ARHGAP25: variants seen among roughly 807,000 people sequenced by gnomAD.
ARHGAP25 encodes rho GTPase-activating protein 25.
Under a neutral mutation model 71.0 loss-of-function variants are expected in ARHGAP25, and 34 were observed. The ratio of observed to expected loss-of-function variants is 0.48; its 90% CI spans 0.36 to 0.64. The LOEUF (loss-of-function observed/expected upper bound fraction) is 0.64. Ranked by LOEUF, ARHGAP25 falls within the 30% of genes least tolerant of loss-of-function variation. The pLI, the probability that ARHGAP25 is intolerant of heterozygous loss-of-function variation, is 0.00. For synonymous variants in ARHGAP25, 282 were observed against 296.5 expected (o/e 0.95, Z 0.50); for missense variants, 706 against 805.1 (o/e 0.88, Z 1.49).
intron 1 of ARHGAP25, among the ~76,000 whole-genome samples, chr2:68,738,498 A>AG (rs1396188355): frequency 6.6e-6 from 1 of 152,150 alleles, no homozygotes; most frequent in Non-Finnish European, 1.5e-5. Flanking sequence ...ATTCATTACC[A>AG]AACTTACTAT....
intron 1 of ARHGAP25, among the ~76,000 whole-genome samples, chr2:68,760,974 A>G (rs949911492): frequency 3.3e-5 from 5 of 152,012 alleles, no homozygotes; most frequent in Admixed American, 1.3e-4. Flanking sequence ...TTTAGAGTAA[A>G]CCAAAACAGT....
chr2:68,774,979 C>T (rs1194417683), intron 1 of ARHGAP25: 3 of 1,433,812 alleles, frequency 2.1e-6, no homozygotes, highest in Non-Finnish European at 2.7e-6. Context: ...TGCCTGTGCA[C>T]GGGGCCACCG....
intron 2 of ARHGAP25, among the ~76,000 whole-genome samples, chr2:68,779,151 G>A (rs975485592): frequency 1.3e-5 from 2 of 152,152 alleles, no homozygotes; most frequent in African/African-American, 4.8e-5. Flanking sequence ...GTCTACCAGC[G>A]GTGTGCTGGT....
Position 68,807,405 on chromosome 2 carries a change from G to A in ARHGAP25, c.599G>A (p.Arg200His), listed in dbSNP as rs769542947. Residue 200 changes from arginine to histidine, a missense_variant, in exon 5 of 11, where the codon CGT (arginine) becomes CAT (histidine). Arg to His is a conservative substitution (Grantham distance 29). Coordinates refer to ENST00000409202, the MANE Select transcript of ARHGAP25 (RefSeq NM_001007231.3). ...EHGRNEEGIF[R>H]LPGQDNLVKQ... ...GGCCGGAATGAAGAGGGCATCTTCCGTCTGCCTGGGCAGGACAACCTGGTG... is the reference window on the plus strand; with the variant it reads ...GGCCGGAATGAAGAGGGCATCTTCCATCTGCCTGGGCAGGACAACCTGGTG... The A allele has an allele frequency of 4.3e-6, 7 of 1,614,114 alleles. No homozygotes were observed. Among genetic ancestry groups the A allele is most frequent in the Admixed American group, 1.7e-5 (1 of 60,014 alleles).
intron 1 of ARHGAP25, among the ~76,000 whole-genome samples, chr2:68,742,475 A>T (rs73933335): frequency 0.027 from 4,079 of 152,248 alleles, 192 homozygotes; most frequent in African/African-American, 0.094. Flanking sequence ...GTGACGTTGG[A>T]CCTCAGGTTT....
At chr2:68,751,615 T>C (rs1676181971) in intron 1 of ARHGAP25, among the ~76,000 whole-genome samples, 1 of 152,236 alleles carries the variant, frequency 6.6e-6, no homozygotes, top group South Asian at 2.1e-4. Flanking sequence ...TCCCTTTGTG[T>C]CCATGGATTA....
intron 3 of ARHGAP25, among the ~76,000 whole-genome samples, chr2:68,783,918 A>G (rs566927998): frequency 2.6e-5 from 4 of 152,316 alleles, no homozygotes; most frequent in South Asian, 4.1e-4. Context: ...AGTGCAATTC[A>G]TGGGACACAA....
rs944174362 is a variant in ARHGAP25 at position 68,719,971 on chromosome 2, G to A, written c.-18+9273G>A. On this transcript the variant is annotated intron_variant and NMD_transcript_variant, in intron 2 of 7. Coordinates refer to the ARHGAP25 transcript ENST00000463483. ...GTCCAGGTTTGTCCAGTGACCTGTC[G>A]CGTTCACTGATCTAAAGTCCATGCT... 5.3e-5 allele frequency among the ~76,000 whole-genome samples: 8 copies of A among 152,232 alleles called. No individual in the cohort carries two copies. The East Asian group carries it at 7.7e-4, about 15-fold the overall frequency.
chr2:68,824,596 G>C (rs1249978427), intron 10 of ARHGAP25, among the ~76,000 whole-genome samples: 1 of 152,122 alleles, frequency 6.6e-6, no homozygotes, highest in African/African-American at 2.4e-5. Context: ...TAAAACATTA[G>C]CCAGGCATGA....
intron 4 of ARHGAP25, among the ~76,000 whole-genome samples, chr2:68,806,341 A>G (rs960530799): frequency 6.6e-6 from 1 of 152,264 alleles, no homozygotes; most frequent in African/African-American, 2.4e-5. Context: ...ATTAGGACAT[A>G]GTAAACAACC....
At chr2:68,825,421 A>C (rs966489970) in intron 10 of ARHGAP25, among the ~76,000 whole-genome samples, 1 of 152,158 alleles carries the variant, frequency 6.6e-6, no homozygotes, top group Non-Finnish European at 1.5e-5. Flanking sequence ...GATACAAAAC[A>C]TTAAACGACA....
At position 68,792,858 on chromosome 2, in the gene ARHGAP25, T is replaced by C. The variant is rs146818886; in HGVS notation, c.466+4902T>C. 2.5e-3 allele frequency among the ~76,000 whole-genome samples: 380 copies of C among 152,334 alleles called. 3 individuals are homozygous for C. The highest frequency in any genetic ancestry group is 8.7e-3 in the African/African-American group (362 of 41,584). ...TTTCTGAGAAATCTCCATACTGTTT[T>C]CCATAGAGGTTGAGCTAATTTGCAT... On this transcript the variant is annotated intron_variant, in intron 4 of 10. Transcript: ENST00000409202.
intron 1 of ARHGAP25, among the ~76,000 whole-genome samples, chr2:68,749,284 C>T (rs1263094423): frequency 6.6e-6 from 1 of 152,112 alleles, no homozygotes; most frequent in African/African-American, 2.4e-5. Context: ...TTTCATTTTG[C>T]ACTGGGCTCT....
chr2:68,795,347 A>G (rs1420390651), intron 4 of ARHGAP25, among the ~76,000 whole-genome samples: 1 of 151,722 alleles, frequency 6.6e-6, no homozygotes, highest in Non-Finnish European at 1.5e-5. Flanking sequence ...TAGTTTCTTG[A>G]GGTTTGAAGT....
intron 4 of ARHGAP25, among the ~76,000 whole-genome samples, chr2:68,790,094 T>C (rs541229110): frequency 9.9e-5 from 15 of 152,276 alleles, no homozygotes; most frequent in African/African-American, 3.4e-4. Flanking sequence ...GTTTGAGCGA[T>C]TCTCCTACCT....
intron 2 of ARHGAP25, among the ~76,000 whole-genome samples, chr2:68,776,027 T>G (rs976130198): frequency 4.6e-5 from 7 of 152,204 alleles, no homozygotes; most frequent in Non-Finnish European, 1.5e-5. Context: ...TCAAATGACC[T>G]CATGAAGAGG....
intron 2 of ARHGAP25, among the ~76,000 whole-genome samples, chr2:68,715,903 A>T (rs1160083993): frequency 6.6e-6 from 1 of 152,198 alleles, no homozygotes; most frequent in Admixed American, 6.5e-5. Flanking sequence ...TATTACATGA[A>T]CAGGTGAGGG....
chr2:68,765,084 T>C (rs1258559723), intron 1 of ARHGAP25, among the ~76,000 whole-genome samples: 1 of 152,098 alleles, frequency 6.6e-6, no homozygotes, highest in Non-Finnish European at 1.5e-5. Context: ...CTGCTGCCCT[T>C]TCTCTCTCTC....
intron 1 of ARHGAP25, among the ~76,000 whole-genome samples, chr2:68,738,820 C>G (rs1474668490): frequency 1.1e-5 from 1 of 91,234 alleles, no homozygotes; most frequent in African/African-American, 3.9e-5. Context: ...GACTCTGTCT[C>G]AAGAAAAAAA....
Sources: allele counts gnomAD v4.1 joint callset (sites outside exome capture counted in the v4.1 genomes callset), GRCh38; gene constraint gnomAD v4.1.1; transcripts MANE v1.5; gene names NCBI Gene and HGNC (gene_info 2026-07-23, HGNC 2026-07-21).